Variants in PNPT1 observed in about 807,000 individuals in gnomAD.
PNPT1 encodes the protein polyribonucleotide nucleotidyltransferase 1.
A neutral mutation model predicts 119.5 loss-of-function variants in PNPT1; 53 were observed. That is an observed-to-expected ratio of 0.44 (90% CI 0.36 to 0.56). The LOEUF (loss-of-function observed/expected upper bound fraction) is 0.56. Ranked by LOEUF, PNPT1 falls within the 20% of genes least tolerant of loss-of-function variation. The pLI, the probability that PNPT1 is intolerant of heterozygous loss-of-function variation, is 0.00. For missense variants in PNPT1, 948 were observed against 938.5 expected (o/e 1.01, Z -0.13); for synonymous variants, 357 against 322.1 (o/e 1.11, Z -1.16).
At chr2:55,650,161 C>A (rs944521930) in intron 18 of PNPT1, among the ~76,000 whole-genome samples, 3 of 152,010 alleles carry the variant, frequency 2.0e-5, no homozygotes, top group African/African-American at 7.2e-5. Context: ...TCTACCTCTA[C>A]CTCTACCTCT....
chr2:55,655,989 T>G (rs1464358081), intron 17 of PNPT1, 142 bp downstream of exon 17: 1 of 1,001,174 alleles, frequency 1.0e-6, no homozygotes, highest in Non-Finnish European at 1.4e-6. Flanking sequence ...GACAAGTATT[T>G]GATTAACTCA....
At chr2:55,637,817 A>G (rs1174220964) in intron 26 of PNPT1, among the ~76,000 whole-genome samples, 2 of 151,806 alleles carry the variant, frequency 1.3e-5, no homozygotes, top group Non-Finnish European at 2.9e-5. Context: ...AGGTCAGGAG[A>G]GTGAAACCCC....
chr2:55,646,604 C>G, intron 19 of PNPT1, 118 bp from the exon 20 acceptor site: 1 of 725,396 alleles, frequency 1.4e-6, no homozygotes. Flanking sequence ...AGTCCAAACA[C>G]AAAGCAATGT....
chr2:55,669,835 T>C (rs929094830), intron 11 of PNPT1, among the ~76,000 whole-genome samples: 2 of 150,866 alleles, frequency 1.3e-5, no homozygotes, highest in African/African-American at 2.4e-5. Context: ...CTCAGCTCAC[T>C]ACAACCTCTG....
chr2:55,653,579 G>A lies in PNPT1; in HGVS notation c.1495+1321C>T, dbSNP rs117148790. Among the ~76,000 whole-genome samples, 11 of 152,340 alleles carry A rather than the reference G, an allele frequency of 7.2e-5. No individual in the cohort carries two copies. In the East Asian group the frequency reaches 1.9e-3, roughly 27 times the overall value. On this transcript the variant is annotated intron_variant, in intron 18 of 27. Coordinates refer to ENST00000447944, the MANE Select transcript of PNPT1 (RefSeq NM_033109.5). ...CACCATGTCCTAACAACTTAGATCA[G>A]TGCTTGGCACATAGGTGCCACAAAG...
At chr2:55,681,880 G>T (rs905986230) in intron 5 of PNPT1, among the ~76,000 whole-genome samples, 2 of 148,540 alleles carry the variant, frequency 1.3e-5, no homozygotes, top group African/African-American at 5.0e-5. Flanking sequence ...GGTGGCTCAC[G>T]CCTGTAATCC....
chr2:55,648,501 C>T (rs901875520), intron 18 of PNPT1, among the ~76,000 whole-genome samples: 1 of 151,990 alleles, frequency 6.6e-6, no homozygotes, highest in Non-Finnish European at 1.5e-5. Context: ...TAATTCTTGT[C>T]AAATCTTTTG....
At chr2:55,659,965 G>A (rs183458239) in intron 15 of PNPT1, among the ~76,000 whole-genome samples, 192 bp downstream of exon 15, 1 of 152,224 alleles carries the variant, frequency 6.6e-6, no homozygotes, top group African/African-American at 2.4e-5. Context: ...TTAGCCAATT[G>A]TGGTTGCACA....
chr2:55,657,087 G>A (rs1211057487), intron 15 of PNPT1, among the ~76,000 whole-genome samples: 8 of 152,114 alleles, frequency 5.3e-5, no homozygotes, highest in Admixed American at 4.6e-4. Flanking sequence ...CCAGCACTTT[G>A]GGAGGCCAAG....
At chr2:55,643,234 A>G (rs1010411572) in intron 24 of PNPT1, 21 bp from the exon 25 acceptor site, 2 of 1,614,182 alleles carry the variant, frequency 1.2e-6, no homozygotes, top group South Asian at 1.1e-5. Context: ...AAAATAAGCC[A>G]TAAGATTCAT....
At chr2:55,678,151 T>C (rs1697139934) in intron 8 of PNPT1, among the ~76,000 whole-genome samples, 1 of 152,216 alleles carries the variant, frequency 6.6e-6, no homozygotes. Context: ...TGTAAAGTAA[T>C]GAGACTAGTT....
intron 15 of PNPT1, among the ~76,000 whole-genome samples, chr2:55,658,223 ACT>A (rs936440282): frequency 1.8e-4 from 28 of 152,092 alleles, no homozygotes; most frequent in Non-Finnish European, 3.7e-4. Flanking sequence ...ACAGAGTGAG[ACT>A]CTGTCTCAAA....
intron 1 of PNPT1, among the ~76,000 whole-genome samples, chr2:55,691,878 A>ATATTTTTTTTTT (rs1326804958): frequency 3.0e-5 from 1 of 33,124 alleles, no homozygotes; most frequent in Non-Finnish European, 5.9e-5. Flanking sequence ...ATATATATAT[A>ATATTTTTTTTTT]TTTTTTTTTT....
intron 8 of PNPT1, among the ~76,000 whole-genome samples, chr2:55,677,756 T>C (rs1353674200): frequency 6.6e-6 from 1 of 151,966 alleles, no homozygotes; most frequent in Non-Finnish European, 1.5e-5. Flanking sequence ...TGTTTGTTTT[T>C]TGAGACAGAG....
At chr2:55,677,645 T>C (rs1697118380) in intron 8 of PNPT1, among the ~76,000 whole-genome samples, 1 of 149,134 alleles carries the variant, frequency 6.7e-6, no homozygotes, top group Admixed American at 6.8e-5. Context: ...ATTCCTCTAA[T>C]GTCTACTTAA....
At chr2:55,646,569 A>G in intron 19 of PNPT1, 83 bp from the exon 20 acceptor site, 1 of 1,081,664 alleles carries the variant, frequency 9.2e-7, no homozygotes, top group Non-Finnish European at 1.4e-6. Context: ...TTCAAAAAAC[A>G]GCTTTAGAAG....
In PNPT1 at chr2:55,667,041, T is replaced by C. The variant is rs1465051404; in HGVS notation, c.1126A>G (p.Met376Val). 4 of 1,611,678 alleles carry C rather than the reference T, an allele frequency of 2.5e-6. No individual in the cohort carries two copies. Among genetic ancestry groups the C allele is most frequent in the Admixed American group, 1.7e-5 (1 of 59,458 alleles). ...SLRNVSCEVD[M>V]FKTLHGSALF... ...GCTGATCCATGAAGGGTTTTAAACA[T>C]ATCTACCTCACAACTTACATTCCTA... The change falls in exon 13 of 28, where the codon ATG becomes GTG. Residue 376 changes from methionine (M) to valine (V), a missense_variant. Transcript: ENST00000447944.
chr2:55,669,448 ATATAT>A (rs1461032670), intron 11 of PNPT1, among the ~76,000 whole-genome samples: 1 of 152,220 alleles, frequency 6.6e-6, no homozygotes, highest in Non-Finnish European at 1.5e-5. Context: ...TCACAGAAAG[ATATAT>A]TAGATTGTAT....
intron 13 of PNPT1, among the ~76,000 whole-genome samples, chr2:55,665,214 A>G (rs1696697154): frequency 6.6e-6 from 1 of 152,236 alleles, no homozygotes; most frequent in South Asian, 2.1e-4. Flanking sequence ...GTATTAGTAA[A>G]TAATGTATAA....
Sources: gnomAD v4.1 joint callset for allele counts (sites outside exome capture counted in the v4.1 genomes callset) on GRCh38, gnomAD v4.1.1 for gene constraint, MANE v1.5 for transcripts, NCBI Gene and HGNC (gene_info 2026-07-23, HGNC 2026-07-21) for gene names.